Variants in GPHN observed in about 807,000 individuals in gnomAD.
GPHN encodes the protein gephyrin.
Under a neutral mutation model 95.5 loss-of-function variants are expected in GPHN, and 17 were observed. The observed-to-expected ratio is 0.18, with a 90% CI of 0.12 to 0.27. The LOEUF (loss-of-function observed/expected upper bound fraction) is 0.27, where lower values mean the gene tolerates loss of function less well. Ranked by LOEUF, GPHN falls within the 10% of genes least tolerant of loss-of-function variation. The probability of loss-of-function intolerance (pLI) is 1.00; values close to 1 mark genes in which losing one functional copy is unlikely to be tolerated. For synonymous variants in GPHN, 320 were observed against 322.5 expected, an observed-to-expected ratio of 0.99 and a Z score of 0.08; for missense variants, 660 against 978.1, an observed-to-expected ratio of 0.67 and a Z score of 4.34.
the GPHN span, among the ~76,000 whole-genome samples, chr14:67,684,150 T>C: frequency 1.3e-5 from 2 of 152,248 alleles, no homozygotes; most frequent in Non-Finnish European, 2.9e-5. Flanking sequence ...AGATTTTGTC[T>C]GTCTACTGAA....
chr14:67,201,251 G>A, the GPHN span, among the ~76,000 whole-genome samples: 2 of 152,168 alleles, frequency 1.3e-5, no homozygotes, highest in African/African-American at 2.4e-5. Flanking sequence ...CTAGGATGGC[G>A]CTACTGCACT....
chr14:66,525,962 T>G (rs1437385358), intron 1 of GPHN, among the ~76,000 whole-genome samples: 1 of 152,126 alleles, frequency 6.6e-6, no homozygotes, highest in Non-Finnish European at 1.5e-5. Flanking sequence ...TTGTCTTGGC[T>G]ATGTGGGCTC....
At chr14:67,056,374 C>T (rs563295975) in intron 10 of GPHN, among the ~76,000 whole-genome samples, 159 of 152,104 alleles carry the variant, frequency 1.0e-3, no homozygotes, top group African/African-American at 3.6e-3. Flanking sequence ...TTGAGCAAGA[C>T]GCAGAGCACT....
rs41299201 is a variant in GPHN, at chr14:67,112,138, T to A, written c.1472+219T>A. Among the ~76,000 whole-genome samples, 7,968 of 152,212 alleles carry A rather than the reference T, an allele frequency of 0.052. 221 individuals are homozygous for A. The highest frequency in any genetic ancestry group is 0.068 in the Middle Eastern group (20 of 294). ...AAAGGCGAGTTAGTCAAAAGCAAGATGAGAAAGAGGTAAAGTCATGAGCCT... is the reference window on the plus strand; with the variant it reads ...AAAGGCGAGTTAGTCAAAAGCAAGAAGAGAAAGAGGTAAAGTCATGAGCCT... On this transcript the variant is annotated intron_variant, in intron 15 of 22. Coordinates refer to ENST00000478722, the MANE Select transcript of GPHN (RefSeq NM_020806.5).
intron 9 of GPHN, among the ~76,000 whole-genome samples, chr14:67,018,869 C>T (rs2073451277): frequency 6.6e-6 from 1 of 152,060 alleles, no homozygotes; most frequent in Non-Finnish European, 1.5e-5. Flanking sequence ...TGGGAGGGCC[C>T]AGAGCCTAAA....
intron 1 of GPHN, among the ~76,000 whole-genome samples, chr14:66,614,427 T>C (rs189747247): frequency 1.3e-5 from 2 of 152,302 alleles, no homozygotes; most frequent in East Asian, 3.9e-4. Context: ...AAATTAATGC[T>C]CATCATCCTC....
intron 1 of GPHN, among the ~76,000 whole-genome samples, chr14:66,608,258 G>T (rs2062633567): frequency 6.6e-6 from 1 of 151,842 alleles, no homozygotes; most frequent in Non-Finnish European, 1.5e-5. Context: ...ACTTATTCAA[G>T]AGCAAATTCC....
the GPHN span, among the ~76,000 whole-genome samples, chr14:67,561,745 C>A: frequency 3.3e-5 from 5 of 151,338 alleles, no homozygotes; most frequent in African/African-American, 4.9e-5. Flanking sequence ...TGGTGTGTGT[C>A]TATGGTCCCA....
chr14:66,992,788 AAAG>A (rs906913747), intron 9 of GPHN, among the ~76,000 whole-genome samples: 21 of 152,292 alleles, frequency 1.4e-4, no homozygotes, highest in East Asian at 7.7e-4. Flanking sequence ...AGAAACATAA[AAAG>A]AAGAACATTT....
Position 66,564,109 on chromosome 14 carries a change from A to G in GPHN, c.64+55518A>G, listed in dbSNP as rs111298572. ...GGAATTGATAGCTATCTCTATGTAA[A>G]TGTGATTCCTTATTAAATTATAGGG... On this transcript the variant is annotated intron_variant, in intron 1 of 22. Transcript: ENST00000478722. 4.8e-4 allele frequency among the ~76,000 whole-genome samples: 73 copies of G among 152,090 alleles called. 1 individual carries two copies. Among genetic ancestry groups the G allele is most frequent in the Non-Finnish European group, 8.8e-4 (60 of 67,998 alleles).
At chr14:67,165,654 CA>C (rs1298664501) in intron 20 of GPHN, among the ~76,000 whole-genome samples, 1 of 152,114 alleles carries the variant, frequency 6.6e-6, no homozygotes, top group Non-Finnish European at 1.5e-5. Flanking sequence ...AATACCAAAT[CA>C]AAAAATACAA....
At chr14:67,161,138 C>T (rs1023638579) in intron 19 of GPHN, among the ~76,000 whole-genome samples, 1 of 151,946 alleles carries the variant, frequency 6.6e-6, no homozygotes, top group African/African-American at 2.4e-5. Flanking sequence ...ATAAAAAATA[C>T]AAAAATTAGC....
the GPHN span, among the ~76,000 whole-genome samples, chr14:67,565,557 T>A: frequency 1.3e-5 from 2 of 152,220 alleles, no homozygotes; most frequent in African/African-American, 4.8e-5. Flanking sequence ...TCCAGCTGCT[T>A]TGAAGCCCAG....
At chr14:66,871,773 G>A (rs904462032) in intron 4 of GPHN, among the ~76,000 whole-genome samples, 3 of 151,994 alleles carry the variant, frequency 2.0e-5, no homozygotes, top group Non-Finnish European at 4.4e-5. Context: ...GGGGCCTGTC[G>A]GCGGGGTGAG....
chr14:66,617,326 C>T (rs1310519383), intron 1 of GPHN, among the ~76,000 whole-genome samples: 2 of 152,198 alleles, frequency 1.3e-5, no homozygotes, highest in East Asian at 1.9e-4. Flanking sequence ...GGGGTTGGGA[C>T]GCTAGGGCCC....
intron 2 of GPHN, among the ~76,000 whole-genome samples, chr14:66,748,278 A>C (rs1247649868): frequency 6.6e-6 from 1 of 152,074 alleles, no homozygotes; most frequent in Non-Finnish European, 1.5e-5. Flanking sequence ...AAGTTATCAC[A>C]GGCTTTCTAT....
At chr14:67,070,893 C>G (rs2076276227) in intron 11 of GPHN, among the ~76,000 whole-genome samples, 1 of 151,576 alleles carries the variant, frequency 6.6e-6, no homozygotes, top group South Asian at 2.1e-4. Context: ...AGAAATCAGG[C>G]CTATACCATC....
chr14:66,632,739 C>T (rs917633080), intron 1 of GPHN, among the ~76,000 whole-genome samples: 3 of 152,058 alleles, frequency 2.0e-5, no homozygotes, highest in Non-Finnish European at 4.4e-5. Flanking sequence ...GATCCGCCTG[C>T]CTGGGCCTAC....
chr14:67,386,033 C>T, the GPHN span: 1 of 152,230 alleles, frequency 6.6e-6, no homozygotes, highest in Admixed American at 6.5e-5. Flanking sequence ...TGGTCATCTA[C>T]TTTGCAACCT....
Sources: allele counts gnomAD v4.1 joint callset (sites outside exome capture counted in the v4.1 genomes callset), GRCh38; gene constraint gnomAD v4.1.1; transcripts MANE v1.5; gene names NCBI Gene and HGNC (gene_info 2026-07-23, HGNC 2026-07-21).